NAV1: variants seen among roughly 807,000 people sequenced by gnomAD.
NAV1 encodes neuron navigator 1, also known as pore membrane and/or filament interacting like protein 3.
In NAV1, 18 loss-of-function variants were observed where a neutral mutation model predicts 175.2. That is an observed-to-expected ratio of 0.10 (90% CI 0.07 to 0.15). The LOEUF is 0.15. Ranked by LOEUF, NAV1 falls within the 10% of genes least tolerant of loss-of-function variation. The probability of loss-of-function intolerance (pLI) is 1.00; values close to 1 mark genes in which losing one functional copy is unlikely to be tolerated. For synonymous variants in NAV1, 897 were observed against 978.7 expected, an observed-to-expected ratio of 0.92 and a Z score of 1.56; for missense variants, 1,731 against 2,436.6, an observed-to-expected ratio of 0.71 and a Z score of 6.10.
rs1674427586 is a variant in NAV1 at position 201,755,922 on chromosome 1, T to G, written c.1227-24499T>G. ...GAGATCGAGACCATCCTGGCCAACA[T>G]GGTGAAACCCCATCTCTACTAAAAA... On this transcript the variant is annotated intron_variant, in intron 3 of 29. Transcript: ENST00000367296. Among the ~76,000 whole-genome samples the G allele has an allele frequency of 2.0e-5, 3 of 152,056 alleles. No individual in the cohort carries two copies. The South Asian group carries it at 6.2e-4, about 32-fold the overall frequency.
chr1:201,814,320 T>A (rs906370238), intron 28 of NAV1, among the ~76,000 whole-genome samples: 1 of 150,856 alleles, frequency 6.6e-6, no homozygotes, highest in Non-Finnish European at 1.5e-5. Context: ...CAGTGAGCCA[T>A]GTTCTCACCA....
chr1:201,714,383 C>T (rs1672048096), intron 2 of NAV1, among the ~76,000 whole-genome samples: 2 of 152,206 alleles, frequency 1.3e-5, no homozygotes, highest in Non-Finnish European at 2.9e-5. Flanking sequence ...AGCCCATGCC[C>T]GCATCTTGGA....
chr1:201,701,009 C>CAAAA (rs386369321), intron 1 of NAV1, among the ~76,000 whole-genome samples: 2,371 of 52,368 alleles, frequency 0.045, 367 homozygotes, highest in African/African-American at 0.097. Context: ...GACTCTGTCT[C>CAAAA]AAAAAAAAAA....
chr1:201,591,909 A>G (rs770262576), intron 2 of NAV1, among the ~76,000 whole-genome samples: 4 of 152,062 alleles, frequency 2.6e-5, no homozygotes, highest in Non-Finnish European at 5.9e-5. Context: ...TGCAGCCCCT[A>G]CTCAGCCTTA....
At position 201,750,866 on chromosome 1, in the gene NAV1, G is replaced by A. The variant is rs1243881641; in HGVS notation, c.1227-29555G>A. Among the ~76,000 whole-genome samples the A allele has an allele frequency of 6.6e-6, 1 of 152,128 alleles. No homozygotes were observed. The highest frequency in any genetic ancestry group is 1.5e-5 in the Non-Finnish European group (1 of 68,016). The stretch of plus-strand genomic sequence containing the variant: ...TTGAGAAGTGGTCTGGATCTACCCT[G>A]TATCAGAACAGGATGGAAGAAAGAG... On this transcript the variant is annotated intron_variant, in intron 3 of 29. Coordinates refer to ENST00000367296, the Ensembl canonical transcript of NAV1. The surrounding 1 kb of genome is among the most constrained non-coding windows in gnomAD (Gnocchi z 4.1).
chr1:201,710,411 C>T (rs1343937578), intron 1 of NAV1, among the ~76,000 whole-genome samples: 1 of 151,980 alleles, frequency 6.6e-6, no homozygotes, highest in Non-Finnish European at 1.5e-5. Context: ...CTCAGCCTCC[C>T]AAGTAGCTAG....
In NAV1 at chr1:201,793,903, G is replaced by T; in HGVS notation, c.3405+28G>T. The T allele has an allele frequency of 2.7e-6, 4 of 1,504,420 alleles. No homozygotes were observed. In the South Asian group the frequency reaches 3.5e-5, roughly 13 times the overall value. 93.2% of individuals were successfully genotyped at this position (1,504,420 alleles called of 1,614,324 possible). ...GAGAGGCCTGGGAAAGGGTGGGAGGGGTGGGTGCGGCGAGGGGGTTCTCCT... is the reference window on the plus strand; with the variant it reads ...GAGAGGCCTGGGAAAGGGTGGGAGGTGTGGGTGCGGCGAGGGGGTTCTCCT... On this transcript the variant is annotated intron_variant, in intron 14 of 29. Coordinates refer to ENST00000367296, the Ensembl canonical transcript of NAV1.
chr1:201,596,664 T>G (rs1463530265), intron 2 of NAV1, among the ~76,000 whole-genome samples: 1 of 152,226 alleles, frequency 6.6e-6, no homozygotes, highest in African/African-American at 2.4e-5. Flanking sequence ...TTCCACCATA[T>G]TTATTGAACA....
At chr1:201,755,867 G>A (rs1033157683) in intron 3 of NAV1, among the ~76,000 whole-genome samples, 4 of 152,172 alleles carry the variant, frequency 2.6e-5, no homozygotes, top group African/African-American at 9.7e-5. Flanking sequence ...AGCACTTTGG[G>A]AGGCTAAGGT....
intron 1 of NAV1, among the ~76,000 whole-genome samples, chr1:201,656,687 C>T (rs1295875957): frequency 2.0e-5 from 3 of 152,202 alleles, no homozygotes; most frequent in African/African-American, 4.8e-5. Flanking sequence ...TCACATGGAT[C>T]AGTGCATGTA....
intron 29 of NAV1, among the ~76,000 whole-genome samples, chr1:201,818,238 A>G (rs1422776916): frequency 6.6e-6 from 1 of 151,964 alleles, no homozygotes; most frequent in Non-Finnish European, 1.5e-5. Flanking sequence ...CTTAGGAGAA[A>G]GATATGAAGG....
At chr1:201,764,135 T>A (rs780992787) in intron 3 of NAV1, among the ~76,000 whole-genome samples, 1 of 152,228 alleles carries the variant, frequency 6.6e-6, no homozygotes, top group East Asian at 1.9e-4. Flanking sequence ...TAAATCTGAA[T>A]TGAAAACTAG....
intron 1 of NAV1, among the ~76,000 whole-genome samples, chr1:201,703,387 A>G (rs943370068): frequency 2.6e-5 from 4 of 152,220 alleles, no homozygotes; most frequent in African/African-American, 9.6e-5. Context: ...AATATGTTCG[A>G]GAGTCTGCTA....
chr1:201,577,030 A>G (rs539157284), intron 1 of NAV1, among the ~76,000 whole-genome samples: 1 of 152,146 alleles, frequency 6.6e-6, no homozygotes, highest in Non-Finnish European at 1.5e-5. Context: ...TTGCTCTGTC[A>G]TCTAGGCTGG....
At chr1:201,699,389 T>C (rs1671318587) in intron 1 of NAV1, among the ~76,000 whole-genome samples, 1 of 152,146 alleles carries the variant, frequency 6.6e-6, no homozygotes, top group Non-Finnish European at 1.5e-5. Context: ...ACAAGGGATG[T>C]GAAGGACCTC....
intron 2 of NAV1, among the ~76,000 whole-genome samples, chr1:201,613,502 A>G (rs1667912122): frequency 6.6e-6 from 1 of 152,196 alleles, no homozygotes; most frequent in Non-Finnish European, 1.5e-5. Context: ...TGACTTAATG[A>G]TAACTAGCTA....
In NAV1 at chr1:201,778,093, T is replaced by C. The variant is rs556182509; in HGVS notation, c.1227-2328T>C. ...TTTGCTAGGAAGTATTTATATCCTCTAGCCAACCTTCCTTGGTAATTCTAG... is the reference window on the plus strand; with the variant it reads ...TTTGCTAGGAAGTATTTATATCCTCCAGCCAACCTTCCTTGGTAATTCTAG... On this transcript the variant is annotated intron_variant, in intron 3 of 29. Transcript: ENST00000367296. 9.2e-5 allele frequency among the ~76,000 whole-genome samples: 14 copies of C among 152,340 alleles called. No individual in the cohort carries two copies. The South Asian group carries it at 2.9e-3, about 32-fold the overall frequency.
intron 3 of NAV1, among the ~76,000 whole-genome samples, chr1:201,751,159 T>C (rs1571456467): frequency 6.6e-6 from 1 of 152,214 alleles, no homozygotes; most frequent in Non-Finnish European, 1.5e-5. Context: ...CTCTAAGATA[T>C]GTATCTTTAG....
intron 2 of NAV1, among the ~76,000 whole-genome samples, chr1:201,601,060 T>C (rs1292272569): frequency 6.6e-6 from 1 of 152,250 alleles, no homozygotes; most frequent in Admixed American, 6.5e-5. Flanking sequence ...ACCCGTCTCA[T>C]CTAGCTCCAG....
Sources: gnomAD v4.1 joint callset for allele counts (sites outside exome capture counted in the v4.1 genomes callset) on GRCh38, gnomAD v4.1.1 for gene constraint, Gnocchi (gnomAD v3.1) non-coding constraint, MANE v1.5 for transcripts, NCBI Gene and HGNC (gene_info 2026-07-23, HGNC 2026-07-21) for gene names.